UBE2E2: variants seen among roughly 807,000 people sequenced by gnomAD.
UBE2E2 encodes ubiquitin-conjugating enzyme E2 E2.
UBE2E2 carries 6 observed loss-of-function variants against 24.7 expected under a neutral mutation model. The ratio of observed to expected loss-of-function variants is 0.24; its 90% CI spans 0.13 to 0.48. The LOEUF (loss-of-function observed/expected upper bound fraction) is 0.48, where lower values mean the gene tolerates loss of function less well. Ranked by LOEUF, UBE2E2 falls within the 20% of genes least tolerant of loss-of-function variation. The pLI, the probability that UBE2E2 is intolerant of heterozygous loss-of-function variation, is 0.99. For missense variants in UBE2E2, 169 were observed against 245.0 expected, an observed-to-expected ratio of 0.69 and a Z score of 2.07; for synonymous variants, 104 against 83.6, an observed-to-expected ratio of 1.24 and a Z score of -1.33.
intron 3 of UBE2E2, among the ~76,000 whole-genome samples, chr3:23,488,353 G>A (rs146253602): frequency 6.2e-4 from 94 of 151,946 alleles, no homozygotes; most frequent in African/African-American, 2.2e-3. Context: ...TTATTCCTCC[G>A]CTAAGCCCCC....
chr3:23,523,044 A>T (rs531272535), intron 4 of UBE2E2, among the ~76,000 whole-genome samples: 1 of 152,258 alleles, frequency 6.6e-6, no homozygotes, highest in African/African-American at 2.4e-5. Context: ...GTGTAAAGAT[A>T]AAAAAATGAA....
At chr3:23,281,403 G>A (rs942819541) in intron 3 of UBE2E2, among the ~76,000 whole-genome samples, 1 of 152,220 alleles carries the variant, frequency 6.6e-6, no homozygotes, top group African/African-American at 2.4e-5. Flanking sequence ...AGGCTGAGAC[G>A]AAGGATTGCT....
At chr3:23,264,864 A>T (rs1698002883) in intron 3 of UBE2E2, among the ~76,000 whole-genome samples, 1 of 152,348 alleles carries the variant, frequency 6.6e-6, no homozygotes, top group Admixed American at 6.5e-5. Flanking sequence ...TTCCAGGTTA[A>T]GTGATTGTCT....
intron 3 of UBE2E2, among the ~76,000 whole-genome samples, chr3:23,317,002 G>C (rs1401081759): frequency 1.3e-5 from 2 of 152,082 alleles, no homozygotes; most frequent in African/African-American, 4.8e-5. Context: ...CCTCTTTACT[G>C]GTGCCTTTCC....
chr3:23,315,848 G>T (rs1228407360), intron 3 of UBE2E2, among the ~76,000 whole-genome samples: 3 of 152,084 alleles, frequency 2.0e-5, no homozygotes, highest in Non-Finnish European at 4.4e-5. Flanking sequence ...CCTAAGCTTA[G>T]TAATGCTGTG....
intron 3 of UBE2E2, among the ~76,000 whole-genome samples, chr3:23,297,555 A>C (rs1022483203): frequency 2.6e-5 from 4 of 152,200 alleles, no homozygotes; most frequent in Non-Finnish European, 5.9e-5. Flanking sequence ...AGCACCATTT[A>C]TTAAATAGGG....
At chr3:23,299,129 T>C (rs573378400) in intron 3 of UBE2E2, among the ~76,000 whole-genome samples, 1 of 152,258 alleles carries the variant, frequency 6.6e-6, no homozygotes, top group South Asian at 2.1e-4. Context: ...GGGATCAGTG[T>C]TGATATCCCC....
intron 3 of UBE2E2, among the ~76,000 whole-genome samples, chr3:23,334,191 C>T (rs1232741965): frequency 6.6e-6 from 1 of 151,872 alleles, no homozygotes. Context: ...ATGGCAAAAC[C>T]TCGTAGTAAT....
intron 1 of UBE2E2, among the ~76,000 whole-genome samples, chr3:23,206,284 T>A (rs971076162): frequency 1.3e-5 from 2 of 152,000 alleles, no homozygotes; most frequent in Non-Finnish European, 2.9e-5. Context: ...CTGATATATT[T>A]TAACTGAAAG....
At chr3:23,383,892 T>TAA (rs35603984) in intron 3 of UBE2E2, among the ~76,000 whole-genome samples, 2 of 143,810 alleles carry the variant, frequency 1.4e-5, no homozygotes, top group East Asian at 2.0e-4. Flanking sequence ...ATTATTTCTT[T>TAA]AAAAAAAAAA....
intron 3 of UBE2E2, among the ~76,000 whole-genome samples, chr3:23,382,605 CT>C (rs1196253897): frequency 6.6e-6 from 1 of 152,194 alleles, no homozygotes; most frequent in Non-Finnish European, 1.5e-5. Flanking sequence ...GTAGTATTCA[CT>C]ATACATAATT....
At chr3:23,297,153 G>A (rs577250996) in intron 3 of UBE2E2, among the ~76,000 whole-genome samples, 3 of 152,076 alleles carry the variant, frequency 2.0e-5, no homozygotes, top group African/African-American at 7.2e-5. Context: ...TTTTGATGGG[G>A]TTGTTTGTTT....
At chr3:23,298,104 A>G (rs1698962980) in intron 3 of UBE2E2, among the ~76,000 whole-genome samples, 1 of 152,134 alleles carries the variant, frequency 6.6e-6, no homozygotes, top group African/African-American at 2.4e-5. Flanking sequence ...TTATTGCTGT[A>G]TAAGAATGCT....
intron 3 of UBE2E2, among the ~76,000 whole-genome samples, chr3:23,296,773 A>G (rs1053732815): frequency 3.3e-5 from 5 of 152,134 alleles, no homozygotes; most frequent in African/African-American, 9.7e-5. Flanking sequence ...AAACATACGT[A>G]TGCATGTGTC....
At chr3:23,586,382 A>G (rs1449304199) in intron 5 of UBE2E2, among the ~76,000 whole-genome samples, 2 of 151,972 alleles carry the variant, frequency 1.3e-5, no homozygotes, top group Non-Finnish European at 2.9e-5. Context: ...GTAGTCTTAA[A>G]CTTCTGGGCT....
chr3:23,482,252 C>G (rs573366709), intron 3 of UBE2E2, among the ~76,000 whole-genome samples: 1 of 152,230 alleles, frequency 6.6e-6, no homozygotes, highest in East Asian at 1.9e-4. Context: ...AGAGGGTGCC[C>G]TCTAGAAATA....
chr3:23,509,643 A>G (rs1474900641), intron 4 of UBE2E2, among the ~76,000 whole-genome samples: 2 of 151,898 alleles, frequency 1.3e-5, no homozygotes, highest in African/African-American at 4.8e-5. Context: ...TTTGTTACAT[A>G]TGTATACATG....
intron 4 of UBE2E2, among the ~76,000 whole-genome samples, chr3:23,521,223 G>C (rs1178712292): frequency 6.6e-6 from 1 of 152,030 alleles, no homozygotes. Flanking sequence ...GAATTGCCTT[G>C]GGGAGTGTGA....
In UBE2E2 at chr3:23,474,023, T is replaced by C; in HGVS notation, c.228-25585T>C. On this transcript the variant is annotated intron_variant, in intron 3 of 5. Coordinates refer to ENST00000396703, the MANE Select transcript of UBE2E2 (RefSeq NM_152653.4). This position sits in a 1 kb window ranked among gnomAD's most constrained non-coding sequence, Gnocchi z 4.0. ...TACCAGTTTACATTCCCACCAGCAG[T>C]GTAGAAGTATTCCCTTTTCACCGCA... Among the ~76,000 whole-genome samples the C allele has an allele frequency of 6.6e-6, 1 of 152,096 alleles. No homozygotes were observed. Among genetic ancestry groups the C allele is most frequent in the East Asian group, 1.9e-4 (1 of 5,200 alleles).
Sources: allele counts gnomAD v4.1 joint callset (sites outside exome capture counted in the v4.1 genomes callset), GRCh38; gene constraint gnomAD v4.1.1; non-coding constraint Gnocchi (gnomAD v3.1); transcripts MANE v1.5; gene names NCBI Gene and HGNC (gene_info 2026-07-23, HGNC 2026-07-21).